The following ANK3 variants were observed in gnomAD, a reference collection of about 807,000 sequenced individuals.
ANK3 encodes the protein ankyrin-3.
ANK3 carries 57 observed loss-of-function variants against 370.9 expected under a neutral mutation model. That is an observed-to-expected ratio of 0.15 (90% CI 0.12 to 0.19). ANK3 has a LOEUF of 0.19. ANK3 is among the 10% of genes least tolerant of loss of function. ANK3 has a pLI of 1.00. For missense variants in ANK3, 4,439 were observed against 5,302.1 expected (o/e 0.84, Z 5.06); for synonymous variants, 1,929 against 1,946.3 (o/e 0.99, Z 0.23).
At chr10:60,616,282 G>A (rs1361159223) in intron 1 of ANK3, among the ~76,000 whole-genome samples, 1 of 152,062 alleles carries the variant, frequency 6.6e-6, no homozygotes, top group Non-Finnish European at 1.5e-5. Context: ...TTCTAAAACA[G>A]TAAATGTAAT....
At chr10:60,249,345 CTTTTG>C (rs1442109495) in intron 7 of ANK3, among the ~76,000 whole-genome samples, 1 of 152,156 alleles carries the variant, frequency 6.6e-6, no homozygotes, top group African/African-American at 2.4e-5. Context: ...AGTCCATCCC[CTTTTG>C]TTTTAACATT....
At chr10:60,173,552 T>C (rs747476079) in intron 18 of ANK3, among the ~76,000 whole-genome samples, 2 of 152,230 alleles carry the variant, frequency 1.3e-5, no homozygotes, top group Non-Finnish European at 2.9e-5. Context: ...GACTTGTTTA[T>C]TGAATACTTT....
intron 1 of ANK3, among the ~76,000 whole-genome samples, chr10:60,685,486 A>C (rs1385955654): frequency 6.6e-6 from 1 of 152,214 alleles, no homozygotes; most frequent in Non-Finnish European, 1.5e-5. Context: ...ATGTGTTTTA[A>C]ATCATTTAGA....
chr10:60,363,960 AAGG>A (rs965148036), intron 1 of ANK3, among the ~76,000 whole-genome samples: 2 of 138,606 alleles, frequency 1.4e-5, no homozygotes, highest in African/African-American at 5.1e-5. Flanking sequence ...AAAAAAGAGG[AAGG>A]AGAAGTGTTT....
intron 1 of ANK3, among the ~76,000 whole-genome samples, chr10:60,305,158 A>C (rs2044730720): frequency 6.6e-6 from 1 of 152,036 alleles, no homozygotes; most frequent in African/African-American, 2.4e-5. Context: ...CTCTTCCATA[A>C]ACTTCCAGGA....
At chr10:60,452,159 G>A (rs1049411558) in intron 2 of ANK3, among the ~76,000 whole-genome samples, 6 of 152,224 alleles carry the variant, frequency 3.9e-5, no homozygotes, top group Non-Finnish European at 7.3e-5. Context: ...CTCTAGCGGT[G>A]CACACAGTGC....
chr10:60,218,097 CT>C (rs199989242), intron 8 of ANK3, among the ~76,000 whole-genome samples: 2,206 of 126,056 alleles, frequency 0.018, 23 homozygotes, highest in African/African-American at 0.05. Flanking sequence ...CTTTTTCTTT[CT>C]TTTTTTTTTT....
chr10:60,261,579 C>A (rs772767287), intron 7 of ANK3, among the ~76,000 whole-genome samples: 10 of 152,134 alleles, frequency 6.6e-5, no homozygotes, highest in Admixed American at 1.3e-4. Context: ...TTTGTTGTCC[C>A]CAGCCACGAT....
At chr10:60,250,419 C>T (rs1565989791) in intron 7 of ANK3, among the ~76,000 whole-genome samples, 1 of 152,164 alleles carries the variant, frequency 6.6e-6, no homozygotes, top group Non-Finnish European at 1.5e-5. Flanking sequence ...GGCTGGAGTG[C>T]AGTGGCACAA....
chr10:60,397,155 G>A (rs1031769619), intron 2 of ANK3, among the ~76,000 whole-genome samples: 13 of 150,460 alleles, frequency 8.6e-5, no homozygotes, highest in Admixed American at 8.6e-4. Flanking sequence ...TCTAGAGAAT[G>A]AAGCATTTAA....
At chr10:60,621,744 G>A (rs976115401) in intron 1 of ANK3, among the ~76,000 whole-genome samples, 10 of 151,968 alleles carry the variant, frequency 6.6e-5, no homozygotes, top group East Asian at 1.9e-4. Context: ...GATGATATTC[G>A]AGCAATATAA....
intron 2 of ANK3, among the ~76,000 whole-genome samples, chr10:60,514,027 T>G (rs886769046): frequency 1.6e-4 from 24 of 152,142 alleles, no homozygotes; most frequent in African/African-American, 5.5e-4. Context: ...AAGACGAGGA[T>G]GAAGATCTTT....
intron 2 of ANK3, among the ~76,000 whole-genome samples, chr10:60,486,714 C>T (rs1354719816): frequency 6.6e-6 from 1 of 152,080 alleles, no homozygotes; most frequent in Non-Finnish European, 1.5e-5. Flanking sequence ...TAAGACATTC[C>T]AAGCCATGGA....
At chr10:60,576,992 C>G (rs1467072962) in intron 2 of ANK3, among the ~76,000 whole-genome samples, 1 of 152,198 alleles carries the variant, frequency 6.6e-6, no homozygotes, top group African/African-American at 2.4e-5. Context: ...GGTAAACAAA[C>G]TTGTCCTTAA....
intron 2 of ANK3, among the ~76,000 whole-genome samples, chr10:60,613,241 G>A (rs866021410): frequency 1.6e-4 from 24 of 152,016 alleles, no homozygotes; most frequent in African/African-American, 5.6e-4. Context: ...CAGAATCCTG[G>A]AAATATAGTA....
chr10:60,291,439 GT>G (rs918773233), intron 1 of ANK3, among the ~76,000 whole-genome samples: 6 of 152,024 alleles, frequency 3.9e-5, no homozygotes, highest in African/African-American at 1.4e-4. Context: ...AAGTTGCAAG[GT>G]ATCTTACTGT....
chr10:60,319,616 A>T (rs1434972949), intron 1 of ANK3, among the ~76,000 whole-genome samples: 1 of 152,150 alleles, frequency 6.6e-6, no homozygotes, highest in Admixed American at 6.5e-5. Flanking sequence ...CCTAATGATC[A>T]CTCACTGGGC....
intron 42 of ANK3, chr10:60,044,315 C>G (rs1009960008): frequency 2.7e-5 from 27 of 984,104 alleles, no homozygotes; most frequent in Non-Finnish European, 3.1e-5. Flanking sequence ...TCTTCTGTGA[C>G]AGATTCACCA....
chr10:60,401,618 C>T (rs1013728471), intron 2 of ANK3, among the ~76,000 whole-genome samples: 5 of 152,118 alleles, frequency 3.3e-5, no homozygotes, highest in Non-Finnish European at 7.4e-5. Flanking sequence ...GTTTTACAAT[C>T]TACTTTAAAA....
Sources: allele counts gnomAD v4.1 joint callset (sites outside exome capture counted in the v4.1 genomes callset), GRCh38; gene constraint gnomAD v4.1.1; transcripts MANE v1.5; gene names NCBI Gene and HGNC (gene_info 2026-07-23, HGNC 2026-07-21).